METTL16: variants seen among roughly 807,000 people sequenced by gnomAD.
METTL16 encodes the protein RNA N(6)-adenosine-methyltransferase METTL16.
In METTL16, 19 loss-of-function variants were observed where a neutral mutation model predicts 57.9. The ratio of observed to expected loss-of-function variants is 0.33; its 90% CI spans 0.23 to 0.48. The LOEUF is 0.48. METTL16 is among the 20% of genes least tolerant of loss of function. The probability of loss-of-function intolerance (pLI) is 0.99; values close to 1 mark genes in which losing one functional copy is unlikely to be tolerated. For synonymous variants in METTL16, 246 were observed against 255.6 expected, an observed-to-expected ratio of 0.96 and a Z score of 0.36; for missense variants, 434 against 691.5, an observed-to-expected ratio of 0.63 and a Z score of 4.18.
intron 8 of METTL16, among the ~76,000 whole-genome samples, chr17:2,426,904 G>A (rs2066823945): frequency 6.6e-6 from 1 of 151,474 alleles, no homozygotes; most frequent in African/African-American, 2.4e-5. Context: ...GGAGGCCAAG[G>A]CAGGCAGATC....
At chr17:2,450,344 T>C (rs1240004371) in intron 6 of METTL16, among the ~76,000 whole-genome samples, 1 of 152,102 alleles carries the variant, frequency 6.6e-6, no homozygotes, top group Admixed American at 6.5e-5. Context: ...AAGCAGACAA[T>C]CAAAACCTAC....
intron 2 of METTL16, among the ~76,000 whole-genome samples, chr17:2,500,572 G>A (rs1035083633): frequency 6.6e-6 from 1 of 151,966 alleles, no homozygotes; most frequent in Non-Finnish European, 1.5e-5. Flanking sequence ...GTGAGCCACC[G>A]CGCCCGGCCA....
At position 2,489,749 on chromosome 17, in the gene METTL16, A is replaced by AAAAAAAAAAAC. The variant is rs1555620741; in HGVS notation, c.129-11865_129-11864insGTTTTTTTTTT. On this transcript the variant is annotated intron_variant, in intron 2 of 9. Coordinates refer to ENST00000263092, the MANE Select transcript of METTL16 (RefSeq NM_024086.4). ...GCGAGACTCAAAAAAAAAAAAAAAAACGAATACTGCGATTTCCTAGCAATG... is the reference window on the plus strand; with the variant it reads ...GCGAGACTCAAAAAAAAAAAAAAAAAAAAAAAAAAACCGAATACTGCGATTTCCTAGCAATG... 5.7e-3 allele frequency among the ~76,000 whole-genome samples: 848 copies of AAAAAAAAAAAC among 147,956 alleles called. 21 individuals carry two copies. Among genetic ancestry groups the AAAAAAAAAAAC allele is most frequent in the African/African-American group, 0.02 (797 of 39,322 alleles).
At chr17:2,510,661 A>G (rs907665850) in intron 1 of METTL16, among the ~76,000 whole-genome samples, 5 of 151,962 alleles carry the variant, frequency 3.3e-5, no homozygotes, top group East Asian at 3.9e-4. Flanking sequence ...CTGGGCATCA[A>G]TTCTTTTTTT....
intron 6 of METTL16, among the ~76,000 whole-genome samples, chr17:2,446,900 T>A (rs1252192193): frequency 6.6e-6 from 1 of 151,966 alleles, no homozygotes; most frequent in East Asian, 1.9e-4. Context: ...GTGCCCAGGC[T>A]GGAGTGCAGT....
chr17:2,465,931 A>C (rs1194664562), intron 5 of METTL16, among the ~76,000 whole-genome samples: 1 of 145,760 alleles, frequency 6.9e-6, no homozygotes, highest in African/African-American at 2.6e-5. Flanking sequence ...GATGGCTTAC[A>C]CCTGTAATCC....
intron 2 of METTL16, among the ~76,000 whole-genome samples, chr17:2,497,075 G>A (rs1255840777): frequency 4.6e-5 from 7 of 151,010 alleles, no homozygotes; most frequent in Non-Finnish European, 8.8e-5. Context: ...GCACAATCTC[G>A]GCTCACTGCA....
intron 8 of METTL16, among the ~76,000 whole-genome samples, chr17:2,430,408 TTC>T (rs1360498219): frequency 4.0e-5 from 6 of 148,576 alleles, no homozygotes; most frequent in Non-Finnish European, 5.9e-5. Context: ...ATTTTTAGAA[TTC>T]TCTTTTTTTT....
At chr17:2,488,891 A>C (rs1344272114) in intron 2 of METTL16, among the ~76,000 whole-genome samples, 1 of 152,188 alleles carries the variant, frequency 6.6e-6, no homozygotes, top group African/African-American at 2.4e-5. Flanking sequence ...CATCCTTCCC[A>C]CTTTTCAACT....
chr17:2,479,182 G>C (rs1245177271), intron 2 of METTL16, among the ~76,000 whole-genome samples: 1 of 151,680 alleles, frequency 6.6e-6, no homozygotes, highest in Non-Finnish European at 1.5e-5. Flanking sequence ...GTTTTGTTTT[G>C]TTTTTGAGCC....
rs1199545098 is a variant in METTL16, at chr17:2,420,593, G to A, written c.1066C>T (p.Gln356Ter). 1 of 1,597,976 alleles carries A rather than the reference G, an allele frequency of 6.3e-7. No individual in the cohort carries two copies. The highest frequency in any genetic ancestry group is 8.5e-7 in the Non-Finnish European group (1 of 1,174,560). ...IEKILTDLKV[Q>*]HKRVPCGKEE... ...TTTCCACAGGGAACTCGTTTATGCT[G>A]GACCTGTTTGGAGGAAAAACAGAAT... Residue 356 changes from glutamine (Q) to a stop codon, truncating the protein, a stop_gained, in exon 10 of 10, where the codon CAG becomes TAG. Transcript: ENST00000263092. LOFTEE classifies it high-confidence loss of function. The surrounding 1 kb of genome is among the most constrained non-coding windows in gnomAD (Gnocchi z 5.4).
rs781130501 is a variant in METTL16, at chr17:2,497,305, C to CTTTTTT, written c.128+4893_128+4898dup. On this transcript the variant is annotated intron_variant, in intron 2 of 9. Coordinates refer to ENST00000263092, the MANE Select transcript of METTL16 (RefSeq NM_024086.4). ...ACAGGCGTGCGCCACTGCACCCGGCCTTTTTTTTTTTTTTTTTTTTTTTTT... is the reference window on the plus strand; with the variant it reads ...ACAGGCGTGCGCCACTGCACCCGGCCTTTTTTTTTTTTTTTTTTTTTTTTTTTTTTT... 1.0e-3 allele frequency among the ~76,000 whole-genome samples: 66 copies of CTTTTTT among 63,778 alleles called. 5 individuals are homozygous for CTTTTTT. The highest frequency in any genetic ancestry group is 1.6e-3 in the African/African-American group (23 of 14,204). The allele number at this position is 63,778 out of a possible 152,430, so 41.8% of individuals were successfully genotyped here. A position where few individuals can be genotyped will look rare whatever the true frequency, so the allele number is the denominator to read the frequency against.
chr17:2,511,336 T>C (rs1285911709), intron 1 of METTL16, among the ~76,000 whole-genome samples: 1 of 152,110 alleles, frequency 6.6e-6, no homozygotes, highest in African/African-American at 2.4e-5. Flanking sequence ...TAAATTCCAA[T>C]TTCAGAACTT....
chr17:2,507,469 C>T (rs1236291002), intron 1 of METTL16, among the ~76,000 whole-genome samples: 2 of 150,290 alleles, frequency 1.3e-5, no homozygotes, highest in African/African-American at 4.9e-5. Context: ...AGGAGCCCCT[C>T]TGCCCGGACA....
chr17:2,444,888 G>C (rs1055082158), intron 6 of METTL16, among the ~76,000 whole-genome samples: 3 of 151,878 alleles, frequency 2.0e-5, no homozygotes, highest in East Asian at 1.9e-4. Flanking sequence ...GCTAATTTTT[G>C]TATTTTTAGT....
intron 2 of METTL16, among the ~76,000 whole-genome samples, chr17:2,498,062 C>T (rs962885214): frequency 4.0e-4 from 61 of 151,314 alleles, no homozygotes; most frequent in Non-Finnish European, 7.8e-4. Flanking sequence ...GGCGTGGTGG[C>T]GGGCACCTGT....
In METTL16 at chr17:2,489,494, A is replaced by G. The variant is rs866370367; in HGVS notation, c.129-11609T>C. ...ACACGGTGAAACCCCGTCTCCACTA[A>G]AAGTACAAAAATTAGCCGAGCGTGG... On this transcript the variant is annotated intron_variant, in intron 2 of 9. Coordinates refer to ENST00000263092, the MANE Select transcript of METTL16 (RefSeq NM_024086.4). 7.2e-5 allele frequency among the ~76,000 whole-genome samples: 11 copies of G among 152,096 alleles called. No individual in the cohort carries two copies. The Middle Eastern group carries it at 0.01, about 141-fold the overall frequency.
intron 8 of METTL16, among the ~76,000 whole-genome samples, chr17:2,432,030 T>C (rs977631429): frequency 6.6e-6 from 1 of 152,122 alleles, no homozygotes; most frequent in African/African-American, 2.4e-5. Context: ...CTGCACACTC[T>C]GTCTCCCAGG....
At chr17:2,467,708 G>C (rs1293986164) in intron 5 of METTL16, 53 bp downstream of exon 5, 2 of 1,432,432 alleles carry the variant, frequency 1.4e-6, no homozygotes, top group African/African-American at 1.4e-5. Flanking sequence ...TTACAGGCGT[G>C]AGCCACCGCG....
Sources: allele counts gnomAD v4.1 joint callset (sites outside exome capture counted in the v4.1 genomes callset), GRCh38; gene constraint gnomAD v4.1.1; non-coding constraint Gnocchi (gnomAD v3.1); transcripts MANE v1.5; gene names NCBI Gene and HGNC (gene_info 2026-07-23, HGNC 2026-07-21).